Variants in PLEKHG1 observed in about 807,000 individuals in gnomAD.
PLEKHG1 encodes pleckstrin homology domain-containing family G member 1.
Under a neutral mutation model 100.8 loss-of-function variants are expected in PLEKHG1, and 44 were observed. The observed-to-expected ratio is 0.44, with a 90% confidence interval of 0.34 to 0.56. The LOEUF (loss-of-function observed/expected upper bound fraction) is 0.56. PLEKHG1 is among the 20% of genes least tolerant of loss of function. PLEKHG1 has a pLI of 0.01. For synonymous variants in PLEKHG1, 640 were observed against 662.5 expected (o/e 0.97, Z 0.52); for missense variants, 1,545 against 1,720.9 (o/e 0.90, Z 1.81).
upstream of PLEKHG1, among the ~76,000 whole-genome samples, chr6:150,720,849 T>G (rs905643278): frequency 6.6e-6 from 1 of 152,198 alleles, no homozygotes; most frequent in Non-Finnish European, 1.5e-5. Flanking sequence ...TATTTGATGT[T>G]CACAAAAGAA....
intron 2 of PLEKHG1, among the ~76,000 whole-genome samples, chr6:150,757,821 T>G (rs977759677): frequency 2.6e-5 from 4 of 152,178 alleles, no homozygotes; most frequent in Non-Finnish European, 5.9e-5. Context: ...AAGCCCAATA[T>G]TCATTAGCTA....
At chr6:150,612,718 C>G (rs1776905743) in intron 1 of PLEKHG1, among the ~76,000 whole-genome samples, 5 of 152,292 alleles carry the variant, frequency 3.3e-5, no homozygotes, top group Admixed American at 3.3e-4. Flanking sequence ...ATCAAAGTCC[C>G]TTTAGGGCTT....
intron 3 of PLEKHG1, among the ~76,000 whole-genome samples, chr6:150,680,784 T>G (rs1471045087): frequency 1.3e-5 from 2 of 152,146 alleles, no homozygotes; most frequent in Non-Finnish European, 2.9e-5. Flanking sequence ...GAGACTAGAT[T>G]GGAGCGAGTT....
At chr6:150,803,106 A>T (rs1786808317) in intron 6 of PLEKHG1, among the ~76,000 whole-genome samples, 1 of 152,194 alleles carries the variant, frequency 6.6e-6, no homozygotes. Context: ...GCCATCTAGG[A>T]TCTTGTTAAC....
exon 7 of PLEKHG1, chr6:150,804,727 G>A (rs762605878): frequency 1.5e-5 from 25 of 1,613,576 alleles, no homozygotes; most frequent in Admixed American, 6.7e-5. Flanking sequence ...ACACGAGCAC[G>A]CGGTCCGGTT....
chr6:150,745,415 G>T (rs558572650), intron 2 of PLEKHG1, among the ~76,000 whole-genome samples: 1 of 152,304 alleles, frequency 6.6e-6, no homozygotes, highest in East Asian at 1.9e-4. Context: ...AGCCACAGTG[G>T]CTCATGCCTG....
rs183168866 is a variant in PLEKHG1 at position 150,690,993 on chromosome 6, C to T, written c.-99+40207C>T. Among the ~76,000 whole-genome samples, 347 of 152,268 alleles carry T rather than the reference C, an allele frequency of 2.3e-3. 1 individual carries two copies. Among genetic ancestry groups the T allele is most frequent in the Non-Finnish European group, 3.0e-3 (201 of 68,030 alleles). On this transcript the variant is annotated intron_variant, in intron 3 of 3. Transcript: ENST00000367326. ...GTCCTCCCTCATCTGGATGATGAAC[C>T]CAGTTAGATCTCCATGGCCTGATAC...
chr6:150,600,669 G>C lies in PLEKHG1; in HGVS notation c.-204+652G>C, dbSNP rs1023499991. Among the ~76,000 whole-genome samples the C allele has an allele frequency of 2.0e-5, 3 of 152,238 alleles. No homozygotes were observed. Among genetic ancestry groups the C allele is most frequent in the Admixed American group, 1.3e-4 (2 of 15,292 alleles). On this transcript the variant is annotated intron_variant, in intron 1 of 3. Coordinates refer to the PLEKHG1 transcript ENST00000367326. This position sits in a 1 kb window ranked among gnomAD's most constrained non-coding sequence, Gnocchi z 6.2. ...GGTAAACGGTAACACCTGGGCGGCCGCGACTCTGCGAGCGTTCTGGCCTCG... is the reference window on the plus strand; with the variant it reads ...GGTAAACGGTAACACCTGGGCGGCCCCGACTCTGCGAGCGTTCTGGCCTCG...
At chr6:150,634,268 AAAG>A (rs905642790) in intron 1 of PLEKHG1, among the ~76,000 whole-genome samples, 17 of 150,336 alleles carry the variant, frequency 1.1e-4, no homozygotes, top group Non-Finnish European at 2.2e-4. Flanking sequence ...AAAAAGAAAA[AAAG>A]AGGAAGAAGA....
At chr6:150,703,460 G>A (rs1166392212) in intron 3 of PLEKHG1, among the ~76,000 whole-genome samples, 1 of 151,944 alleles carries the variant, frequency 6.6e-6, no homozygotes, top group Admixed American at 6.6e-5. Context: ...AATTAGCCAG[G>A]CGTGGTGGCA....
intron 3 of PLEKHG1, among the ~76,000 whole-genome samples, chr6:150,653,230 A>G (rs1424204219): frequency 6.6e-6 from 1 of 152,210 alleles, no homozygotes; most frequent in South Asian, 2.1e-4. Context: ...AAATGAACAT[A>G]GTAATAAGGA....
At chr6:150,732,179 T>C (rs575722381) in intron 1 of PLEKHG1, among the ~76,000 whole-genome samples, 1 of 151,470 alleles carries the variant, frequency 6.6e-6, no homozygotes, top group Admixed American at 6.5e-5. Context: ...TAAGTGACCT[T>C]TTGACTTTGC....
chr6:150,655,860 C>T (rs1430718629), intron 3 of PLEKHG1, among the ~76,000 whole-genome samples: 24 of 151,786 alleles, frequency 1.6e-4, no homozygotes. Flanking sequence ...AACAGAAAAC[C>T]AAACACCACA....
intron 1 of PLEKHG1, among the ~76,000 whole-genome samples, chr6:150,621,195 G>C (rs987751872): frequency 2.0e-5 from 3 of 152,138 alleles, no homozygotes; most frequent in Admixed American, 6.5e-5. Context: ...GTACAGGAAT[G>C]ATGGTTGGTG....
chr6:150,745,951 A>G (rs987725196), intron 2 of PLEKHG1, among the ~76,000 whole-genome samples: 23 of 152,178 alleles, frequency 1.5e-4, no homozygotes, highest in African/African-American at 5.3e-4. Flanking sequence ...AGATTAAAAG[A>G]ATAGAGAACA....
At chr6:150,705,504 C>T (rs1464000337) in intron 3 of PLEKHG1, among the ~76,000 whole-genome samples, 1 of 152,250 alleles carries the variant, frequency 6.6e-6, no homozygotes, top group Non-Finnish European at 1.5e-5. Flanking sequence ...ACTGCCCACG[C>T]ACAGGGCCCC....
rs139427843 is a variant in PLEKHG1, at chr6:150,840,194, C to G, written c.3456C>G (p.Pro1152=). The change falls in exon 16 of 16, where the codon CCC becomes CCG. Residue 1152 remains proline (P), a synonymous_variant. Transcript: ENST00000358517. ...GATGCAGCGTGGTAGTAAGTCAGCC[C>G]AACAAAGAGAACTGGTGTCAGGACC... 2,107 of 1,614,184 alleles carry G rather than the reference C, an allele frequency of 1.3e-3. 17 individuals are homozygous for G. The highest frequency in any genetic ancestry group is 8.4e-3 in the South Asian group (768 of 91,084).
intron 1 of PLEKHG1, among the ~76,000 whole-genome samples, chr6:150,725,295 C>T (rs531086767): frequency 1.3e-5 from 2 of 152,292 alleles, no homozygotes; most frequent in African/African-American, 4.8e-5. Flanking sequence ...ACAGCCCCCC[C>T]TCCTAATACC....
At chr6:150,836,086 A>G (rs766705962) in intron 15 of PLEKHG1, among the ~76,000 whole-genome samples, 9 of 152,166 alleles carry the variant, frequency 5.9e-5, no homozygotes, top group Non-Finnish European at 1.0e-4. Flanking sequence ...TAGGCTTAAA[A>G]TGAAAGGAGT....
Sources: gnomAD v4.1 joint callset for allele counts (sites outside exome capture counted in the v4.1 genomes callset) on GRCh38, gnomAD v4.1.1 for gene constraint, Gnocchi (gnomAD v3.1) non-coding constraint, MANE v1.5 for transcripts, NCBI Gene and HGNC (gene_info 2026-07-23, HGNC 2026-07-21) for gene names.